The following MYCBPAP variants were observed in gnomAD, a reference collection of about 807,000 sequenced individuals.
The protein encoded by MYCBPAP is MYCBP associated protein.
In MYCBPAP, 60 loss-of-function variants were observed where a neutral mutation model predicts 106.1. The observed-to-expected ratio is 0.57, with a 90% CI of 0.46 to 0.70. The LOEUF (loss-of-function observed/expected upper bound fraction) is 0.70, where lower values mean the gene tolerates loss of function less well. Ranked by LOEUF, MYCBPAP falls within the 30% of genes least tolerant of loss-of-function variation. The pLI, the probability that MYCBPAP is intolerant of heterozygous loss-of-function variation, is 0.00. For synonymous variants in MYCBPAP, 407 were observed against 440.6 expected, an observed-to-expected ratio of 0.92 and a Z score of 0.95; for missense variants, 1,064 against 1,169.3, an observed-to-expected ratio of 0.91 and a Z score of 1.31.
Position 50,519,048 on chromosome 17 carries a change from G to T in MYCBPAP, c.727G>T (p.Glu243Ter). Reference sequence around the variant, plus strand: ...CTACAGACGGATCCAGGAGGAGCGGGAGCTCATTGACTGCACACTTCCAAC... The same window carrying T: ...CTACAGACGGATCCAGGAGGAGCGGTAGCTCATTGACTGCACACTTCCAAC... ...ETYRRIQEER[E>*]LIDCTLPTRR... The change falls in exon 6 of 19, where the codon GAG becomes TAG. Residue 243 changes from glutamate to a stop codon, truncating the protein, a stop_gained. Coordinates refer to ENST00000323776, the MANE Select transcript of MYCBPAP (RefSeq NM_032133.6). LOFTEE classifies it high-confidence loss of function. The T allele has an allele frequency of 1.2e-6, 2 of 1,613,718 alleles. No individual in the cohort carries two copies. Among genetic ancestry groups the T allele is most frequent in the Non-Finnish European group, 1.7e-6 (2 of 1,179,958 alleles).
At chr17:50,516,120 G>A (rs2034042484) in intron 1 of MYCBPAP, 1 of 156,206 alleles carries the variant, frequency 6.4e-6, no homozygotes. Flanking sequence ...CGCCCGAGTA[G>A]CTGGGACTGC....
At chr17:50,523,827 G>A in intron 12 of MYCBPAP, 43 bp downstream of exon 12, 1 of 1,551,274 alleles carries the variant, frequency 6.4e-7, no homozygotes, top group South Asian at 1.2e-5. Flanking sequence ...ATCAGGTAGG[G>A]TATCCTGGTG....
chr17:50,520,937 C>T, intron 7 of MYCBPAP, 173 bp from the exon 8 acceptor site: 1 of 586,428 alleles, frequency 1.7e-6, no homozygotes, highest in East Asian at 2.8e-5. Context: ...TTGTGTAGGG[C>T]TGCTGAGGAG....
Position 50,524,967 on chromosome 17 carries a change from T to A in MYCBPAP, c.1726T>A (p.Ser576Thr), listed in dbSNP as rs1380837671. ...MGVLTPERTP[S>T]PVDAYLTEED... ...GGTCTTGACCCCGGAGCGCACACCATCACCTGTGGATGCCTATCTCACCGA... is the reference window on the plus strand; with the variant it reads ...GGTCTTGACCCCGGAGCGCACACCAACACCTGTGGATGCCTATCTCACCGA... The change falls in exon 13 of 19, where the codon TCA becomes ACA. Residue 576 changes from serine (S) to threonine (T), a missense_variant. Coordinates refer to ENST00000323776, the MANE Select transcript of MYCBPAP (RefSeq NM_032133.6). The A allele has an allele frequency of 1.9e-6, 3 of 1,613,882 alleles. No individual in the cohort carries two copies. In the African/African-American group the frequency reaches 4.0e-5, roughly 22 times the overall value.
intron 1 of MYCBPAP, 35 bp from the exon 2 acceptor site, chr17:50,516,535 C>T: frequency 1.2e-6 from 2 of 1,609,192 alleles, no homozygotes; most frequent in Non-Finnish European, 8.5e-7. Context: ...AGAAGGAGCT[C>T]TTTAAGGACT....
intron 1 of MYCBPAP, chr17:50,509,541 TGTGTGTGTG>T (rs2033747206): frequency 1.3e-5 from 1 of 76,234 alleles, no homozygotes; most frequent in African/African-American, 8.0e-5. Flanking sequence ...TTTTTCTGTG[TGTGTGTGTG>T]TGTGTGTGTG....
chr17:50,525,211 C>T (rs907102913), intron 13 of MYCBPAP, 188 bp downstream of exon 13: 4 of 611,438 alleles, frequency 6.5e-6, no homozygotes, highest in East Asian at 3.0e-5. Context: ...ACTGCGCATG[C>T]GAGGGATGGA....
At chr17:50,515,740 G>A (rs1439201281) in intron 1 of MYCBPAP, 1 of 152,192 alleles carries the variant, frequency 6.6e-6, no homozygotes, top group East Asian at 1.9e-4. Context: ...TTCTACACAT[G>A]GAAAGCCTGA....
chr17:50,508,147 C>G (rs186467445), upstream of MYCBPAP, among the ~76,000 whole-genome samples: 747 of 152,308 alleles, frequency 4.9e-3, 1 homozygote, highest in Non-Finnish European at 6.1e-3. Flanking sequence ...CCCGATCCCC[C>G]CCCAGAACCG....
At chr17:50,530,244 A>C (rs956248847) in intron 18 of MYCBPAP, 2 of 431,186 alleles carry the variant, frequency 4.6e-6, no homozygotes, top group Non-Finnish European at 9.2e-6. Context: ...CTGTAATCCC[A>C]GCACTTTGGG....
chr17:50,516,442 T>C (rs1358233410), intron 1 of MYCBPAP, 128 bp from the exon 2 acceptor site: 4 of 1,165,808 alleles, frequency 3.4e-6, no homozygotes, highest in African/African-American at 3.1e-5. Context: ...CTGCTATCTA[T>C]CCAGCTGGTC....
At chr17:50,528,058 G>A (rs898452) in intron 15 of MYCBPAP, 97 bp from the exon 16 acceptor site, 675,502 of 968,322 alleles carry the variant, frequency 0.7, 236,968 homozygotes, top group East Asian at 0.9. Flanking sequence ...ACAGCAGCTC[G>A]TGGCACCAGG....
intron 1 of MYCBPAP, among the ~76,000 whole-genome samples, chr17:50,516,315 A>G (rs2034049218): frequency 6.6e-6 from 1 of 152,098 alleles, no homozygotes; most frequent in Non-Finnish European, 1.5e-5. Flanking sequence ...TCTGATCTCA[A>G]TTCTGGCTAC....
At chr17:50,523,839 T>A in intron 12 of MYCBPAP, 55 bp downstream of exon 12, 1 of 1,527,570 alleles carries the variant, frequency 6.5e-7, no homozygotes, top group East Asian at 2.3e-5. Context: ...ATCCTGGTGT[T>A]CTTCCTGGCA....
intron 2 of MYCBPAP, 50 bp downstream of exon 2, chr17:50,516,747 G>T (rs757360841): frequency 6.2e-7 from 1 of 1,607,934 alleles, no homozygotes; most frequent in Non-Finnish European, 8.5e-7. Context: ...TTCCCTGCCG[G>T]CAGCCTGAGT....
chr17:50,523,232 GC>G, intron 11 of MYCBPAP, 104 bp downstream of exon 11: 1 of 1,185,574 alleles, frequency 8.4e-7, no homozygotes, highest in South Asian at 1.4e-5. Context: ...GTAAGTTTGA[GC>G]CCTGCTTCCC....
chr17:50,524,020 G>C (rs2277628), intron 12 of MYCBPAP, among the ~76,000 whole-genome samples: 79,428 of 152,182 alleles, frequency 0.52, 21,856 homozygotes, highest in East Asian at 0.83. Context: ...TGGCCCCACT[G>C]AGTTAGAAAG....
At chr17:50,512,054 T>TTTC (rs989601808) in intron 1 of MYCBPAP, among the ~76,000 whole-genome samples, 7 of 50,628 alleles carry the variant, frequency 1.4e-4, no homozygotes, top group African/African-American at 1.2e-3. Flanking sequence ...GCAAGTTTTC[T>TTTC]TTTTTTTTTT....
At chr17:50,519,834 G>A (rs371162186) in intron 7 of MYCBPAP, 47 bp downstream of exon 7, 52 of 1,587,004 alleles carry the variant, frequency 3.3e-5, no homozygotes, top group Admixed American at 1.8e-5. Context: ...GCCTGGCCCG[G>A]AGGCAGGGTA....
Sources: allele counts gnomAD v4.1 joint callset (sites outside exome capture counted in the v4.1 genomes callset), GRCh38; gene constraint gnomAD v4.1.1; transcripts MANE v1.5; gene names NCBI Gene and HGNC (gene_info 2026-07-23, HGNC 2026-07-21).